Variants in PLEKHM2 observed in about 807,000 individuals in gnomAD.
The protein encoded by PLEKHM2 is pleckstrin homology and RUN domain containing M2.
Under a neutral mutation model 116.3 loss-of-function variants are expected in PLEKHM2, and 77 were observed. The ratio of observed to expected loss-of-function variants is 0.66; its 90% CI spans 0.55 to 0.80. The LOEUF (loss-of-function observed/expected upper bound fraction) is 0.80. PLEKHM2 is among the 30% of genes least tolerant of loss of function. PLEKHM2 has a pLI of 0.00. For synonymous variants in PLEKHM2, 562 were observed against 571.0 expected (o/e 0.98, Z 0.22); for missense variants, 1,183 against 1,354.9 (o/e 0.87, Z 1.99).
chr1:15,704,967 G>A (rs1011049148), intron 1 of PLEKHM2, among the ~76,000 whole-genome samples: 1 of 152,260 alleles, frequency 6.6e-6, no homozygotes, highest in East Asian at 1.9e-4. Context: ...CAGAGTTTCT[G>A]ATGTCATTGG....
intron 1 of PLEKHM2, among the ~76,000 whole-genome samples, chr1:15,704,308 C>CCCTCCCTT (rs1185344228): frequency 4.7e-5 from 7 of 149,426 alleles, no homozygotes; most frequent in African/African-American, 7.3e-5. Flanking sequence ...GTCCCTCCCT[C>CCCTCCCTT]CCTCCCTTCC....
At chr1:15,682,663 G>T (rs1234912939), upstream of PLEKHM2, among the ~76,000 whole-genome samples, 1 of 150,744 alleles carries the variant, frequency 6.6e-6, no homozygotes, top group East Asian at 1.9e-4. Context: ...AAAAAACAAA[G>T]TACCACTATT....
chr1:15,707,698 G>A (rs532641172), intron 1 of PLEKHM2, among the ~76,000 whole-genome samples: 1 of 152,198 alleles, frequency 6.6e-6, no homozygotes, highest in South Asian at 2.1e-4. Context: ...AGCAGCTGCA[G>A]CTTTTTTTAA....
rs1454873508 is a variant in PLEKHM2 at position 15,713,964 on chromosome 1, C to A, written c.61-2273C>A. On this transcript the variant is annotated intron_variant, in intron 1 of 19. Coordinates refer to ENST00000375799, the MANE Select transcript of PLEKHM2 (RefSeq NM_015164.4). ...CTGTTTTTTTTTTTTTTTTTGGAGA[C>A]AGAGTCTCACTCTGCTGCCCAGGCT... 3.3e-4 allele frequency among the ~76,000 whole-genome samples: 35 copies of A among 106,330 alleles called. 4 individuals carry two copies. The highest frequency in any genetic ancestry group is 3.1e-3 in the Admixed American group (30 of 9,774). The allele number at this position is 106,330 out of a possible 152,430, so 69.8% of individuals were successfully genotyped here.
Position 15,731,886 on chromosome 1 carries a change from CA to C in PLEKHM2, c.2466-2del, listed in dbSNP as rs1231670083. ...CCCGTTTCACCCTCCTCCTCTGGCC[CA>C]GGGGGGAGCAGTGCGGTGGCTGCCG... On this transcript the variant is annotated splice_acceptor_variant, in intron 16 of 19. Coordinates refer to ENST00000375799, the MANE Select transcript of PLEKHM2 (RefSeq NM_015164.4). LOFTEE classifies it high-confidence loss of function. 2 of 1,609,796 alleles carry C rather than the reference CA, an allele frequency of 1.2e-6. No homozygotes were observed. Among genetic ancestry groups the C allele is most frequent in the Non-Finnish European group, 8.5e-7 (1 of 1,178,512 alleles).
intron 1 of PLEKHM2, among the ~76,000 whole-genome samples, chr1:15,692,494 G>A (rs539082560): frequency 6.6e-6 from 1 of 152,202 alleles, no homozygotes; most frequent in Admixed American, 6.5e-5. Flanking sequence ...AAACCATGTC[G>A]TGCACAGAGG....
Position 15,729,262 on chromosome 1 carries a change from G to A in PLEKHM2, c.2075+72G>A. On this transcript the variant is annotated intron_variant, in intron 13 of 19. Coordinates refer to ENST00000375799, the MANE Select transcript of PLEKHM2 (RefSeq NM_015164.4). This position sits in a 1 kb window ranked among gnomAD's most constrained non-coding sequence, Gnocchi z 4.7. ...CGCCCATAGGTGTGGGTGGCCTGGG[G>A]GTCAGGGGTGGAGGTGGAAAGTGGG... The A allele has an allele frequency of 2.3e-6, 3 of 1,291,334 alleles. No homozygotes were observed. The highest frequency in any genetic ancestry group is 2.2e-6 in the Non-Finnish European group (2 of 907,232). 80.0% of individuals were successfully genotyped at this position (1,291,334 alleles called of 1,614,324 possible).
At chr1:15,716,670 C>A in intron 2 of PLEKHM2, 37 bp from the exon 3 acceptor site, 1 of 1,550,428 alleles carries the variant, frequency 6.4e-7, no homozygotes, top group South Asian at 1.2e-5. Flanking sequence ...AGGGTGGCCC[C>A]ATGCAGGTCA....
intron 3 of PLEKHM2, 48 bp downstream of exon 3, chr1:15,716,864 G>C (rs375321257): frequency 6.5e-6 from 10 of 1,547,092 alleles, no homozygotes; most frequent in Non-Finnish European, 8.7e-6. Context: ...CTCCACCTTC[G>C]GTGGGTAGCT....
intron 1 of PLEKHM2, among the ~76,000 whole-genome samples, chr1:15,696,590 A>G (rs1641002472): frequency 6.6e-6 from 1 of 151,890 alleles, no homozygotes; most frequent in East Asian, 2.0e-4. Context: ...ACCTCAGGTG[A>G]TCCGCCCGCC....
chr1:15,689,997 C>A (rs1052450878), intron 1 of PLEKHM2, among the ~76,000 whole-genome samples: 1 of 150,698 alleles, frequency 6.6e-6, no homozygotes, highest in Admixed American at 6.6e-5. Flanking sequence ...CTCAGGTGAT[C>A]TGCCTGCTTC....
intron 1 of PLEKHM2, among the ~76,000 whole-genome samples, chr1:15,715,960 C>A (rs1357145378): frequency 6.6e-6 from 1 of 152,188 alleles, no homozygotes; most frequent in Non-Finnish European, 1.5e-5. Context: ...GAGACCTATG[C>A]ATGGACAGTG....
intron 1 of PLEKHM2, among the ~76,000 whole-genome samples, chr1:15,691,509 GT>G (rs1463109439): frequency 6.6e-6 from 1 of 152,172 alleles, no homozygotes; most frequent in Non-Finnish European, 1.5e-5. Context: ...CCATCTCTCA[GT>G]TCCTGGGTCC....
rs1380164096 is a variant in PLEKHM2 at position 15,727,234 on chromosome 1, C to T, written c.1162C>T (p.Arg388Cys). 6 of 1,601,892 alleles carry T rather than the reference C, an allele frequency of 3.7e-6. No homozygotes were observed. Among genetic ancestry groups the T allele is most frequent in the African/African-American group, 1.3e-5 (1 of 74,680 alleles). The change falls in exon 9 of 20, where the codon CGC (arginine) becomes TGC (cysteine). Residue 388 changes from arginine to cysteine, a missense_variant. Physicochemically the swap from Arg to Cys is radical, Grantham distance 180. Around this residue, in one of 3 missense-constraint regions of PLEKHM2, gnomAD observed 372 missense variants for 357.2 expected, o/e 1.04. Transcript: ENST00000375799. This position sits in a 1 kb window ranked among gnomAD's most constrained non-coding sequence, Gnocchi z 7.5. ...GPSSTTESSE[R>C]SEPGLLIPEM... ...GAGCAGCACCACGGAGAGCAGCGAGCGCTCCGAGCCGGGCCTGCTGATCCC... is the reference window on the plus strand; with the variant it reads ...GAGCAGCACCACGGAGAGCAGCGAGTGCTCCGAGCCGGGCCTGCTGATCCC...
chr1:15,732,303 A>T, intron 17 of PLEKHM2, 47 bp from the exon 18 acceptor site: 1 of 1,465,750 alleles, frequency 6.8e-7, no homozygotes, highest in Admixed American at 2.0e-5. Context: ...TCTGGTGCAG[A>T]CCAGCCCTGG....
In PLEKHM2 at chr1:15,727,509, C is replaced by T. The variant is rs983530335; in HGVS notation, c.1437C>T (p.Gly479=). The change falls in exon 9 of 20, where the codon GGC becomes GGT. Residue 479 remains glycine (G), a synonymous_variant. Coordinates refer to ENST00000375799, the MANE Select transcript of PLEKHM2 (RefSeq NM_015164.4). This position sits in a 1 kb window ranked among gnomAD's most constrained non-coding sequence, Gnocchi z 7.5. ...GTCCAAGCACTGTTACATCAGGTGGCGGCCACCATGACCCTGCAGGGCTTG... is the reference window on the plus strand; with the variant it reads ...GTCCAAGCACTGTTACATCAGGTGGTGGCCACCATGACCCTGCAGGGCTTG... ...VESPSTVTSG[G]GHHDPAGLGQ... is the part of the protein sequence containing the mutation. The T allele has an allele frequency of 6.3e-6, 10 of 1,581,836 alleles. No homozygotes were observed. Among genetic ancestry groups the T allele is most frequent in the Admixed American group, 1.8e-5 (1 of 54,932 alleles).
At chr1:15,726,046 T>C (rs2068060468) in intron 8 of PLEKHM2, among the ~76,000 whole-genome samples, 2 of 151,734 alleles carry the variant, frequency 1.3e-5, no homozygotes, top group African/African-American at 4.8e-5. Context: ...ACACATTCAC[T>C]CCATTGTAGG....
chr1:15,693,942 T>G (rs1202100102), intron 1 of PLEKHM2, among the ~76,000 whole-genome samples: 2 of 152,174 alleles, frequency 1.3e-5, no homozygotes, highest in African/African-American at 2.4e-5. Flanking sequence ...GGCATCAGGA[T>G]TCACCACCAC....
Position 15,729,043 on chromosome 1 carries a change from C to G in PLEKHM2, c.1987-59C>G. 1 of 1,485,134 alleles carries G rather than the reference C, an allele frequency of 6.7e-7. No individual in the cohort carries two copies. Among genetic ancestry groups the G allele is most frequent in the South Asian group, 1.2e-5 (1 of 83,186 alleles). The allele number at this position is 1,485,134 out of a possible 1,614,324, so 92.0% of individuals were successfully genotyped here. ...GCAAGCGCTCAGCCTGGCCAAGCTG[C>G]CTTCTCCGCCAGGCAGCAGCTAAGC... On this transcript the variant is annotated intron_variant, in intron 12 of 19. Transcript: ENST00000375799. The surrounding 1 kb of genome is among the most constrained non-coding windows in gnomAD (Gnocchi z 4.7).
Sources: gnomAD v4.1 joint callset for allele counts (sites outside exome capture counted in the v4.1 genomes callset) on GRCh38, gnomAD v4.1.1 for gene constraint, gnomAD v4.1.1 regional missense constraint, Gnocchi (gnomAD v3.1) non-coding constraint, MANE v1.5 for transcripts, NCBI Gene and HGNC (gene_info 2026-07-23, HGNC 2026-07-21) for gene names.